RTL4: variants seen among roughly 807,000 people sequenced by gnomAD.
RTL4 encodes the protein retrotransposon Gag-like protein 4.
Under a neutral mutation model 5.3 loss-of-function variants are expected in RTL4, and 4 were observed. The observed-to-expected ratio is 0.75, with a 90% CI of 0.37 to 1.72. RTL4 has a LOEUF of 1.72. RTL4 is among the 40% of genes most tolerant of loss of function. The probability of loss-of-function intolerance (pLI) is 0.04; values close to 1 mark genes in which losing one functional copy is unlikely to be tolerated. For synonymous variants in RTL4, 98 were observed against 87.3 expected (o/e 1.12, Z -0.68); for missense variants, 260 against 227.1 (o/e 1.14, Z -0.93).
chrX:112,394,007 C>T, the RTL4 span, among the ~76,000 whole-genome samples: 2 of 111,472 alleles, frequency 1.8e-5, no homozygotes, highest in Non-Finnish European at 3.8e-5. Flanking sequence ...CCATGTAGCT[C>T]TTATGTGAGA....
the RTL4 span, among the ~76,000 whole-genome samples, chrX:112,099,691 G>C: frequency 4.0e-4 from 44 of 111,146 alleles, no homozygotes; most frequent in Non-Finnish European, 6.8e-4. Flanking sequence ...GGAATCAACA[G>C]ATTCTTTTTA....
chrX:112,226,882 G>C, the RTL4 span, among the ~76,000 whole-genome samples: 2 of 105,269 alleles, frequency 1.9e-5, no homozygotes, highest in African/African-American at 7.1e-5. Context: ...GTTGCAGTGA[G>C]CACTATACTC....
the RTL4 span, among the ~76,000 whole-genome samples, chrX:112,297,704 T>C: frequency 1.8e-5 from 2 of 111,539 alleles, no homozygotes; most frequent in African/African-American, 6.5e-5. Context: ...GCCATTGTAG[T>C]GACTGATTTC....
chrX:112,328,671 A>G, the RTL4 span, among the ~76,000 whole-genome samples: 26 of 112,196 alleles, frequency 2.3e-4, no homozygotes, highest in East Asian at 7.0e-3. Context: ...ATAGACATCT[A>G]GAGAAATCTC....
the RTL4 span, among the ~76,000 whole-genome samples, chrX:112,335,906 G>A: frequency 3.7e-5 from 4 of 109,300 alleles, no homozygotes; most frequent in East Asian, 5.7e-4. Context: ...GCGGTGGTGC[G>A]ATCTCGGCTC....
chrX:112,335,749 A>G, the RTL4 span, among the ~76,000 whole-genome samples: 3 of 110,814 alleles, frequency 2.7e-5, no homozygotes, highest in African/African-American at 9.8e-5. Context: ...ATTAATTTTT[A>G]TGTTCATCTT....
At chrX:112,312,486 A>C in the RTL4 span, among the ~76,000 whole-genome samples, 1 of 111,574 alleles carries the variant, frequency 9.0e-6, no homozygotes, top group South Asian at 3.7e-4. Context: ...TTTCAGTTAA[A>C]GACTGTGTTC....
chrX:112,254,393 G>A, the RTL4 span, among the ~76,000 whole-genome samples: 3 of 108,943 alleles, frequency 2.8e-5, no homozygotes, highest in Non-Finnish European at 5.7e-5. Flanking sequence ...GCAGTGGTGC[G>A]ACCTCAGCTC....
chrX:112,243,876 A>G, the RTL4 span, among the ~76,000 whole-genome samples: 3 of 112,045 alleles, frequency 2.7e-5, no homozygotes, highest in Non-Finnish European at 5.6e-5. Context: ...AATGTGTCCC[A>G]GGGATACTGG....
At chrX:112,456,096 T>C in exon 1 of RTL4, 1 of 279,505 alleles carries the variant, frequency 3.6e-6, no homozygotes, top group East Asian at 5.3e-5. Flanking sequence ...GTCTGTATCC[T>C]AGTTTCCTGT....
chrX:112,112,633 G>C, the RTL4 span, among the ~76,000 whole-genome samples: 1 of 111,870 alleles, frequency 8.9e-6, no homozygotes, highest in Non-Finnish European at 1.9e-5. Context: ...AAGAGATCTA[G>C]AGTACCCTGC....
chrX:112,177,832 G>A, the RTL4 span, among the ~76,000 whole-genome samples: 449 of 110,853 alleles, frequency 4.1e-3, 2 homozygotes, highest in Non-Finnish European at 6.5e-3. Context: ...AGAGCCAGAT[G>A]GTAAATATTT....
chrX:112,259,170 T>C, the RTL4 span, among the ~76,000 whole-genome samples: 1 of 111,729 alleles, frequency 9.0e-6, no homozygotes, highest in Non-Finnish European at 1.9e-5. Context: ...ATTTGGATCA[T>C]AATTAAATTA....
the RTL4 span, among the ~76,000 whole-genome samples, chrX:112,104,879 C>A: frequency 1.8e-5 from 2 of 111,802 alleles, no homozygotes; most frequent in Non-Finnish European, 3.8e-5. Context: ...TTTGGCTCTG[C>A]AGAACCTTTC....
the RTL4 span, among the ~76,000 whole-genome samples, chrX:112,313,704 T>C: frequency 6.6e-4 from 73 of 110,241 alleles, no homozygotes; most frequent in Non-Finnish European, 8.1e-4. Flanking sequence ...GAAAAAGGTA[T>C]GATTATCTGA....
the RTL4 span, among the ~76,000 whole-genome samples, chrX:112,187,402 G>A: frequency 9.0e-6 from 1 of 111,260 alleles, no homozygotes; most frequent in Non-Finnish European, 1.9e-5. Context: ...GTTGTGTCTT[G>A]GTATCCTGGT....
chrX:112,426,937 T>C, the RTL4 span, among the ~76,000 whole-genome samples: 2 of 110,372 alleles, frequency 1.8e-5, no homozygotes, highest in African/African-American at 3.3e-5. Context: ...AAAAATCAAA[T>C]AAACAAGTAA....
chrX:112,191,710 G>A, the RTL4 span, among the ~76,000 whole-genome samples: 2 of 111,579 alleles, frequency 1.8e-5, no homozygotes, highest in African/African-American at 6.5e-5. Context: ...AAAGACTGAT[G>A]GAAAGAGTAG....
At chrX:112,170,162 C>A in the RTL4 span, among the ~76,000 whole-genome samples, 1 of 111,689 alleles carries the variant, frequency 9.0e-6, no homozygotes, top group Middle Eastern at 4.2e-3. Flanking sequence ...GTTCCTGTAG[C>A]CTTGTAGTAT....
Sources: allele counts gnomAD v4.1 joint callset (sites outside exome capture counted in the v4.1 genomes callset), GRCh38; gene constraint gnomAD v4.1.1; transcripts MANE v1.5; gene names NCBI Gene and HGNC (gene_info 2026-07-23, HGNC 2026-07-21).